EBF2: variants seen among roughly 807,000 people sequenced by gnomAD.
EBF2 encodes the protein transcription factor COE2.
In EBF2, 21 loss-of-function variants were observed where a neutral mutation model predicts 72.8. The ratio of observed to expected loss-of-function variants is 0.29; its 90% CI spans 0.20 to 0.42. The LOEUF is 0.42. EBF2 is among the 10% of genes least tolerant of loss of function. The pLI is 1.00. For missense variants in EBF2, 637 were observed against 731.2 expected (o/e 0.87, Z 1.49); for synonymous variants, 299 against 274.2 (o/e 1.09, Z -0.89).
intron 6 of EBF2, among the ~76,000 whole-genome samples, chr8:26,028,238 T>C (rs1805334619): frequency 6.6e-6 from 1 of 152,208 alleles, no homozygotes; most frequent in African/African-American, 2.4e-5. Context: ...TGAATGAAGG[T>C]CATTGTGTTG....
intron 6 of EBF2, among the ~76,000 whole-genome samples, chr8:25,997,915 A>C (rs534540667): frequency 1.3e-5 from 2 of 152,338 alleles, no homozygotes; most frequent in South Asian, 4.1e-4. Context: ...ATTAATAATA[A>C]TACACAGTAA....
rs868879 is a variant in EBF2 at position 26,019,709 on chromosome 8, C to G, written c.551+13376G>C. On this transcript the variant is annotated intron_variant, in intron 6 of 15. Coordinates refer to ENST00000520164, the MANE Select transcript of EBF2 (RefSeq NM_022659.4). ...TGCAAACTCACCAACAGCTCTTTCT[C>G]TCCTGGTCTCTGGGTGCTTGGTTTC... Among the ~76,000 whole-genome samples the G allele has an allele frequency of 4.6e-5, 7 of 152,314 alleles. 1 individual carries two copies. In the South Asian group the frequency reaches 1.2e-3, roughly 27 times the overall value.
At chr8:25,867,594 TCCTCAGCTTTGCTGTACGTTCC>T (rs1802356498) in intron 10 of EBF2, among the ~76,000 whole-genome samples, 1 of 152,190 alleles carries the variant, frequency 6.6e-6, no homozygotes, top group African/African-American at 2.4e-5. Flanking sequence ...TGCCAGGCAG[TCCTCAGCTTTGCTGTACGTTCC>T]CCTGGGCAAC....
chr8:25,912,128 T>C (rs906739650), intron 6 of EBF2, among the ~76,000 whole-genome samples: 1 of 152,120 alleles, frequency 6.6e-6, no homozygotes, highest in Non-Finnish European at 1.5e-5. Flanking sequence ...CTCTGCCCAA[T>C]ACACAACACT....
intron 6 of EBF2, among the ~76,000 whole-genome samples, chr8:25,949,470 T>G (rs921017725): frequency 1.3e-5 from 2 of 152,304 alleles, no homozygotes; most frequent in East Asian, 3.9e-4. Context: ...TTGGGCTAGA[T>G]AAAAAGTTTA....
intron 6 of EBF2, among the ~76,000 whole-genome samples, chr8:25,991,114 TA>T (rs142216047): frequency 4.6e-5 from 7 of 150,874 alleles, no homozygotes; most frequent in Non-Finnish European, 8.9e-5. Flanking sequence ...GTGAAAAAAA[TA>T]AAAAAAAAGG....
At chr8:25,924,286 A>G (rs867123544) in intron 6 of EBF2, among the ~76,000 whole-genome samples, 1 of 152,212 alleles carries the variant, frequency 6.6e-6, no homozygotes, top group African/African-American at 2.4e-5. Context: ...GAAATAGCAG[A>G]TATTGTTAAT....
chr8:25,912,901 G>A (rs1803152423), intron 6 of EBF2, among the ~76,000 whole-genome samples: 1 of 152,074 alleles, frequency 6.6e-6, no homozygotes. Context: ...CATGTCTTCC[G>A]CCATCCCACC....
intron 7 of EBF2, among the ~76,000 whole-genome samples, chr8:25,894,514 AC>A: frequency 6.6e-6 from 1 of 152,102 alleles, no homozygotes; most frequent in Middle Eastern, 3.4e-3. Flanking sequence ...CAATCAGTCA[AC>A]CCCTGACAAC....
At chr8:25,889,945 T>G in intron 7 of EBF2, 76 bp from the exon 8 acceptor site, 3 of 1,304,216 alleles carry the variant, frequency 2.3e-6, no homozygotes, top group Non-Finnish European at 3.3e-6. Context: ...TGCACCAAAA[T>G]TCTGTTTTGC....
At chr8:26,011,024 G>A (rs1272751716) in intron 6 of EBF2, among the ~76,000 whole-genome samples, 1 of 126,520 alleles carries the variant, frequency 7.9e-6, no homozygotes, top group East Asian at 2.0e-4. Flanking sequence ...CATCTCTAAG[G>A]TAGTCTTACC....
chr8:26,021,134 G>A (rs1392621499), intron 6 of EBF2, among the ~76,000 whole-genome samples: 3 of 152,172 alleles, frequency 2.0e-5, no homozygotes, highest in South Asian at 2.1e-4. Flanking sequence ...ACAATCCAGG[G>A]GAGGTGACAA....
chr8:25,991,949 G>A (rs1219457865), intron 6 of EBF2, among the ~76,000 whole-genome samples: 1 of 152,110 alleles, frequency 6.6e-6, no homozygotes, highest in South Asian at 2.1e-4. Context: ...AGCAAATTGT[G>A]GCAGAGTCAT....
chr8:26,006,693 G>T (rs1804887909), intron 6 of EBF2, among the ~76,000 whole-genome samples: 1 of 152,196 alleles, frequency 6.6e-6, no homozygotes, highest in African/African-American at 2.4e-5. Flanking sequence ...CCACTAGCTA[G>T]GCTGATGTTG....
chr8:25,972,059 A>G (rs2117189795), intron 6 of EBF2, among the ~76,000 whole-genome samples: 1 of 152,304 alleles, frequency 6.6e-6, no homozygotes, highest in Middle Eastern at 3.4e-3. Flanking sequence ...AGCTGACAAG[A>G]GACAAGCATC....
chr8:26,040,187 C>A (rs918456099), intron 4 of EBF2, 86 bp from the exon 5 acceptor site: 77 of 1,399,784 alleles, frequency 5.5e-5, no homozygotes, highest in Non-Finnish European at 7.5e-5. Flanking sequence ...AGCACAACAT[C>A]GCTTTCCCTC....
chr8:26,015,822 CAA>C (rs1308681351), intron 6 of EBF2, among the ~76,000 whole-genome samples: 1 of 152,152 alleles, frequency 6.6e-6, no homozygotes, highest in African/African-American at 2.4e-5. Context: ...CCTACATTCT[CAA>C]GACAGAAGAG....
Position 26,044,479 on chromosome 8 carries a change from G to A in EBF2, c.131+250C>T, listed in dbSNP as rs563754423. Among the ~76,000 whole-genome samples the A allele has an allele frequency of 6.6e-6, 1 of 152,372 alleles. No homozygotes were observed. The highest frequency in any genetic ancestry group is 2.1e-4 in the South Asian group (1 of 4,832). On this transcript the variant is annotated intron_variant, in intron 1 of 15. Transcript: ENST00000520164. This position sits in a 1 kb window ranked among gnomAD's most constrained non-coding sequence, Gnocchi z 4.1. ...TATTTTTCCTTGCAAAGAGTGGACT[G>A]TGGTAAAGGAGAGGGAGAGAAACGC...
At chr8:25,870,545 G>A (rs974349936) in intron 10 of EBF2, among the ~76,000 whole-genome samples, 2 of 152,122 alleles carry the variant, frequency 1.3e-5, no homozygotes, top group Non-Finnish European at 2.9e-5. Flanking sequence ...GCTCAGAGAG[G>A]AATTTTCTGG....
Sources: gnomAD v4.1 joint callset for allele counts (sites outside exome capture counted in the v4.1 genomes callset) on GRCh38, gnomAD v4.1.1 for gene constraint, Gnocchi (gnomAD v3.1) non-coding constraint, MANE v1.5 for transcripts, NCBI Gene and HGNC (gene_info 2026-07-23, HGNC 2026-07-21) for gene names.